Variants in TMEM167B observed in about 807,000 individuals in gnomAD.
TMEM167B encodes the protein protein kish-B.
A neutral mutation model predicts 9.4 loss-of-function variants in TMEM167B; 2 were observed. That is an observed-to-expected ratio of 0.21 (90% CI 0.09 to 0.67). The LOEUF (loss-of-function observed/expected upper bound fraction) is 0.67. TMEM167B is among the 30% of genes least tolerant of loss of function. TMEM167B has a pLI of 0.82. For synonymous variants in TMEM167B, 28 were observed against 32.0 expected (o/e 0.87, Z 0.42); for missense variants, 68 against 87.6 (o/e 0.78, Z 0.89).
At chr1:109,091,823 A>G (rs1255748531) in intron 1 of TMEM167B, 5 of 152,192 alleles carry the variant, frequency 3.3e-5, no homozygotes, top group African/African-American at 7.2e-5. Context: ...TAGCTGTGAG[A>G]CAGTTTTACT....
intron 1 of TMEM167B, 92 bp downstream of exon 1, chr1:109,090,974 G>T: frequency 6.9e-7 from 1 of 1,440,890 alleles, no homozygotes; most frequent in South Asian, 1.3e-5. Flanking sequence ...CGTTCTCCCC[G>T]CCCCCTCCCA....
chr1:109,092,288 T>C (rs1664467369), intron 1 of TMEM167B, among the ~76,000 whole-genome samples: 1 of 152,202 alleles, frequency 6.6e-6, no homozygotes, highest in Non-Finnish European at 1.5e-5. Flanking sequence ...GTCATGTGGA[T>C]TCTTACTCTT....
intron 1 of TMEM167B, chr1:109,091,743 G>C (rs1358845365): frequency 2.6e-5 from 4 of 152,352 alleles, no homozygotes; most frequent in Admixed American, 2.6e-4. Flanking sequence ...GGGGTAGCAC[G>C]TGAAGGTATA....
rs1664572896 is a variant in TMEM167B at position 109,096,531 on chromosome 1, GTCTTGACCCAAAC to G, written c.*2038_*2050del. 1 of 152,122 alleles carries G rather than the reference GTCTTGACCCAAAC, an allele frequency of 6.6e-6. No individual in the cohort carries two copies. The allele number at this position is 152,122 out of a possible 1,614,324, so 9.4% of individuals were successfully genotyped here. ...GTTTTTACAGCCTCCTGGGTGGGTCGTCTTGACCCAAACTCTTGTGTTGTTACATTTTGAGAGG... is the reference window on the plus strand; with the variant it reads ...GTTTTTACAGCCTCCTGGGTGGGTCGTCTTGTGTTGTTACATTTTGAGAGG... On this transcript the variant is annotated 3_prime_UTR_variant, in exon 3 of 3. Coordinates refer to ENST00000338272, the MANE Select transcript of TMEM167B (RefSeq NM_020141.4).
intron 2 of TMEM167B, chr1:109,093,257 C>A: frequency 2.1e-6 from 1 of 479,488 alleles, no homozygotes. Flanking sequence ...TTTGGGGGGC[C>A]AAGGCAGGAG....
Position 109,090,855 on chromosome 1 carries a change from G to A in TMEM167B, c.-18G>A, listed in dbSNP as rs569669253. On this transcript the variant is annotated 5_prime_UTR_variant, in exon 1 of 3. Coordinates refer to ENST00000338272, the MANE Select transcript of TMEM167B (RefSeq NM_020141.4). The stretch of plus-strand genomic sequence containing the variant: ...CCACTGAACCCGGACCCCCTACCCA[G>A]GTCCAGGGCCAGCCGCCATGACGAA... The A allele has an allele frequency of 7.7e-5, 122 of 1,588,388 alleles. 2 individuals are homozygous for A. In the South Asian group the frequency reaches 1.4e-3, roughly 18 times the overall value.
intron 1 of TMEM167B, among the ~76,000 whole-genome samples, chr1:109,092,414 A>C (rs1664469342): frequency 6.6e-6 from 1 of 152,192 alleles, no homozygotes. Context: ...ATTTATAACA[A>C]GAACATGTTA....
chr1:109,092,784 A>G, intron 1 of TMEM167B, 106 bp from the exon 2 acceptor site: 2 of 1,313,754 alleles, frequency 1.5e-6, no homozygotes, highest in Non-Finnish European at 2.1e-6. Flanking sequence ...TGAGGTTATT[A>G]TTTTGTTATT....
chr1:109,092,517 T>A (rs1664471780), intron 1 of TMEM167B, among the ~76,000 whole-genome samples: 1 of 152,158 alleles, frequency 6.6e-6, no homozygotes, highest in South Asian at 2.1e-4. Context: ...CCAGGATTTC[T>A]ACTTCTTGAA....
chr1:109,092,113 C>T (rs1263527082), intron 1 of TMEM167B, among the ~76,000 whole-genome samples: 1 of 152,110 alleles, frequency 6.6e-6, no homozygotes, highest in Non-Finnish European at 1.5e-5. Context: ...AAGAAATAAG[C>T]TTGGTTTATG....
Position 109,090,778 on chromosome 1 carries a change from G to A in TMEM167B, c.-95G>A. 2 of 1,482,398 alleles carry A rather than the reference G, an allele frequency of 1.3e-6. No homozygotes were observed. The highest frequency in any genetic ancestry group is 2.5e-5 in the East Asian group (1 of 40,570). The allele number at this position is 1,482,398 out of a possible 1,614,324, so 91.8% of individuals were successfully genotyped here. A position where few individuals can be genotyped will look rare whatever the true frequency, so the allele number is the denominator to read the frequency against. On this transcript the variant is annotated 5_prime_UTR_variant, in exon 1 of 3. Coordinates refer to ENST00000338272, the MANE Select transcript of TMEM167B (RefSeq NM_020141.4). Reference sequence around the variant, plus strand: ...TACTACGGCTTCTTCCAGTCACCTCGGCCCGGATCGGGAAGTGTCAAGCGG... The same window carrying A: ...TACTACGGCTTCTTCCAGTCACCTCAGCCCGGATCGGGAAGTGTCAAGCGG...
intron 2 of TMEM167B, chr1:109,093,228 A>T: frequency 1.6e-6 from 1 of 631,206 alleles, no homozygotes; most frequent in Non-Finnish European, 2.6e-6. Flanking sequence ...GTGATGGCTC[A>T]TGCCTATAAT....
At chr1:109,091,841 G>A (rs1238665557) in intron 1 of TMEM167B, 1 of 152,232 alleles carries the variant, frequency 6.6e-6, no homozygotes, top group East Asian at 1.9e-4. Context: ...ACTGGAGGAA[G>A]AGAGGTAGTG....
At chr1:109,092,217 A>G (rs2102126800) in intron 1 of TMEM167B, among the ~76,000 whole-genome samples, 1 of 152,360 alleles carries the variant, frequency 6.6e-6, no homozygotes, top group Non-Finnish European at 1.5e-5. Flanking sequence ...TTATTCTGGC[A>G]GAAATTCGGT....
Position 109,096,930 on chromosome 1 carries a change from C to T in TMEM167B, c.*2431C>T, listed in dbSNP as rs572319035. The T allele has an allele frequency of 6.6e-6, 1 of 152,156 alleles. No homozygotes were observed. The highest frequency in any genetic ancestry group is 1.5e-5 in the Non-Finnish European group (1 of 67,974). The allele number at this position is 152,156 out of a possible 1,614,324, so 9.4% of individuals were successfully genotyped here. A position where few individuals can be genotyped will look rare whatever the true frequency, so the allele number is the denominator to read the frequency against. ...TCCTTGAAAATAAACCTTTTTTTCCCTACAGTCTTTGTCAATTTATTTGTC... is the reference window on the plus strand; with the variant it reads ...TCCTTGAAAATAAACCTTTTTTTCCTTACAGTCTTTGTCAATTTATTTGTC... On this transcript the variant is annotated 3_prime_UTR_variant, in exon 3 of 3. Coordinates refer to ENST00000338272, the MANE Select transcript of TMEM167B (RefSeq NM_020141.4).
rs1664570677 is a variant in TMEM167B at position 109,096,401 on chromosome 1, C to T, written c.*1902C>T. 1 of 152,134 alleles carries T rather than the reference C, an allele frequency of 6.6e-6. No individual in the cohort carries two copies. The allele number at this position is 152,134 out of a possible 1,614,324, so 9.4% of individuals were successfully genotyped here. On this transcript the variant is annotated 3_prime_UTR_variant, in exon 3 of 3. Transcript: ENST00000338272. The stretch of plus-strand genomic sequence containing the variant: ...CATGTTTGCACTTGTTATTTTGTAG[C>T]TTTAATGATTTTTGTTTTCTAATAG...
rs777965425 is a variant in TMEM167B at position 109,094,456 on chromosome 1, T to C, written c.182T>C (p.Ile61Thr). The C allele has an allele frequency of 6.2e-7, 1 of 1,614,098 alleles. No individual in the cohort carries two copies. The highest frequency in any genetic ancestry group is 1.1e-5 in the South Asian group (1 of 91,082). The part of the protein sequence containing the change: ...IGTRLHAAVA[I>T]ACVVMAFYVL... ...ACCAGGCTGCATGCTGCTGTGGCAA[T>C]TGCTTGTGTTGTAATGGCCTTTTAC... Residue 61 changes from isoleucine to threonine, a missense_variant, in exon 3 of 3, where the codon ATT becomes ACT. Coordinates refer to ENST00000338272, the MANE Select transcript of TMEM167B (RefSeq NM_020141.4).
Position 109,090,858 on chromosome 1 carries a change from C to G in TMEM167B, c.-15C>G, listed in dbSNP as rs1557992614. On this transcript the variant is annotated 5_prime_UTR_variant, in exon 1 of 3. Transcript: ENST00000338272. The stretch of plus-strand genomic sequence containing the variant: ...CTGAACCCGGACCCCCTACCCAGGT[C>G]CAGGGCCAGCCGCCATGACGAACGG... 1.3e-6 allele frequency: 2 copies of G among 1,588,922 alleles called. No individual in the cohort carries two copies. The highest frequency in any genetic ancestry group is 2.3e-5 in the East Asian group (1 of 43,546).
chr1:109,091,165 GGTCA>G (rs894276561), intron 1 of TMEM167B, among the ~76,000 whole-genome samples: 6 of 152,062 alleles, frequency 3.9e-5, no homozygotes, highest in African/African-American at 1.5e-4. Flanking sequence ...CCCTTGGAGA[GGTCA>G]GTCCCAGAGG....
Sources: gnomAD v4.1 joint callset for allele counts (sites outside exome capture counted in the v4.1 genomes callset) on GRCh38, gnomAD v4.1.1 for gene constraint, MANE v1.5 for transcripts, NCBI Gene and HGNC (gene_info 2026-07-23, HGNC 2026-07-21) for gene names.